KNTC1: variants seen among roughly 807,000 people sequenced by gnomAD.
KNTC1 encodes the protein kinetochore associated 1.
In KNTC1, 253 loss-of-function variants were observed where a neutral mutation model predicts 314.4. The ratio of observed to expected loss-of-function variants is 0.80; its 90% confidence interval spans 0.73 to 0.89. The LOEUF (loss-of-function observed/expected upper bound fraction) is 0.89, where lower values mean the gene tolerates loss of function less well. KNTC1 is among the 40% of genes least tolerant of loss of function. The pLI is 0.00. For missense variants in KNTC1, 2,475 were observed against 2,572.9 expected (o/e 0.96, Z 0.82); for synonymous variants, 901 against 901.4 (o/e 1.00, Z 0.01).
In KNTC1 at chr12:122,557,463, G is replaced by A; in HGVS notation, c.1352G>A (p.Trp451Ter). The A allele has an allele frequency of 6.2e-7, 1 of 1,613,814 alleles. No homozygotes were observed. The highest frequency in any genetic ancestry group is 1.3e-5 in the African/African-American group (1 of 75,008). The stretch of plus-strand genomic sequence containing the variant: ...GTGGATGCCAGTGAACAGACCGAAT[G>A]GCAACAACTTGTAGACGACGCTAAG... ...SSVDASEQTE[W>*]QQLVDDAKEN... The change falls in exon 17 of 64, where the codon TGG becomes TAG. Residue 451 changes from tryptophan to a stop codon, truncating the protein, a stop_gained. Transcript: ENST00000333479. LOFTEE classifies it high-confidence loss of function.
chr12:122,613,671 G>T lies in KNTC1; in HGVS notation c.5787G>T (p.Leu1929Phe). The T allele has an allele frequency of 1.9e-6, 3 of 1,611,968 alleles. No homozygotes were observed. The highest frequency in any genetic ancestry group is 3.3e-4 in the Middle Eastern group (2 of 6,058). The change falls in exon 55 of 64, where the codon TTG becomes TTT. Residue 1929 changes from leucine (L) to phenylalanine (F), a missense_variant. By Grantham distance (22) the Leu-to-Phe change is conservative (BLOSUM62 0). Coordinates refer to ENST00000333479, the MANE Select transcript of KNTC1 (RefSeq NM_014708.6). The stretch of plus-strand genomic sequence containing the variant: ...CTTTTCTGGCATCATTTGAGACTTT[G>T]AATATCCCCATCACATATGAATTAT... ...CITFLASFET[L>F]NIPITYELFC...
chr12:122,543,714 G>A, intron 7 of KNTC1, 80 bp downstream of exon 7: 1 of 794,226 alleles, frequency 1.3e-6, no homozygotes. Context: ...GTATATAATT[G>A]GTCTACTTCT....
intron 52 of KNTC1, among the ~76,000 whole-genome samples, chr12:122,610,570 C>T (rs867339628): frequency 2.6e-5 from 4 of 152,182 alleles, no homozygotes; most frequent in Admixed American, 6.5e-5. Context: ...CAGAGATTGA[C>T]TAGCTATTCT....
chr12:122,550,897 T>G (rs1159808847), intron 13 of KNTC1, among the ~76,000 whole-genome samples: 2 of 152,242 alleles, frequency 1.3e-5, no homozygotes, highest in Non-Finnish European at 2.9e-5. Flanking sequence ...TGTTTCATCA[T>G]GATTAGATTC....
chr12:122,541,424 G>A (rs1221722532), intron 5 of KNTC1, among the ~76,000 whole-genome samples: 3 of 148,936 alleles, frequency 2.0e-5, no homozygotes, highest in Admixed American at 6.7e-5. Flanking sequence ...TCAGCTCACT[G>A]CAACCTCCAC....
At position 122,551,480 on chromosome 12, in the gene KNTC1, G is replaced by T. The variant is rs542873141; in HGVS notation, c.1153G>T (p.Val385Leu). 1.3e-6 allele frequency: 2 copies of T among 1,593,688 alleles called. No homozygotes were observed. The highest frequency in any genetic ancestry group is 3.6e-5 in the Admixed American group (2 of 56,166). The change falls in exon 15 of 64, where the codon GTG (valine) becomes TTG (leucine). Residue 385 changes from valine to leucine, a missense_variant. Transcript: ENST00000333479. ...TAGATTGTCTGAAGACTCAGTCTCT[G>T]TGTTAGTACTCAGATGTCTTACGGA... The part of the protein sequence containing the change: ...DPKLSEDSVS[V>L]LVLRCLTEAL...
At position 122,544,269 on chromosome 12, in the gene KNTC1, G is replaced by C. The variant is rs758376735; in HGVS notation, c.669G>C (p.Gly223=). 1.5e-5 allele frequency: 22 copies of C among 1,476,274 alleles called. No individual in the cohort carries two copies. The South Asian group carries it at 2.8e-4, about 19-fold the overall frequency. 91.4% of individuals were successfully genotyped at this position (1,476,274 alleles called of 1,614,324 possible). A position where few individuals can be genotyped will look rare whatever the true frequency, so the allele number is the denominator to read the frequency against. The change falls in exon 8 of 64, where the codon GGG becomes GGC. Residue 223 remains glycine, a splice_region_variant and synonymous_variant. Coordinates refer to ENST00000333479, the MANE Select transcript of KNTC1 (RefSeq NM_014708.6). Reference sequence around the variant, plus strand: ...CAAGTGAAGTTCCTGTGATAATTGGGGTAATTGTTTTTATAAAGTTTTGTT... The same window carrying C: ...CAAGTGAAGTTCCTGTGATAATTGGCGTAATTGTTTTTATAAAGTTTTGTT... ...DLASEVPVII[G]GTGNCAFSKW... is the part of the protein sequence containing the mutation.
intron 38 of KNTC1, among the ~76,000 whole-genome samples, chr12:122,587,284 C>CA (rs1203106603): frequency 1.3e-5 from 2 of 152,018 alleles, no homozygotes; most frequent in African/African-American, 4.8e-5. Context: ...TCTAAAAAAA[C>CA]AAAAAATCGT....
intron 48 of KNTC1, among the ~76,000 whole-genome samples, chr12:122,604,251 C>T (rs1224110554): frequency 6.8e-6 from 1 of 146,872 alleles, no homozygotes; most frequent in Non-Finnish European, 1.5e-5. Flanking sequence ...TGGCTCACTG[C>T]AACCTCTGCC....
At chr12:122,550,447 T>C (rs1963115929) in intron 13 of KNTC1, among the ~76,000 whole-genome samples, 1 of 152,186 alleles carries the variant, frequency 6.6e-6, no homozygotes, top group African/African-American at 2.4e-5. Context: ...AAAGCTATTT[T>C]TTTTTCTTAT....
chr12:122,554,076 A>AAAAATATATATATAT (rs370146333), intron 16 of KNTC1, among the ~76,000 whole-genome samples: 61 of 109,022 alleles, frequency 5.6e-4, no homozygotes, highest in African/African-American at 2.4e-3. Flanking sequence ...AAAAAAAAAA[A>AAAAATATATATATAT]ATATATATAT....
chr12:122,623,997 G>T (rs1874726213), intron 62 of KNTC1, among the ~76,000 whole-genome samples: 1 of 152,138 alleles, frequency 6.6e-6, no homozygotes. Context: ...GAACCCAGGA[G>T]GTGGAGGTTG....
At chr12:122,534,840 G>A in intron 3 of KNTC1, 56 bp downstream of exon 3, 2 of 1,527,136 alleles carry the variant, frequency 1.3e-6, no homozygotes, top group Non-Finnish European at 9.0e-7. Context: ...TACATCTGCT[G>A]CCAATTTCTG....
At position 122,579,025 on chromosome 12, in the gene KNTC1, C is replaced by CTTTTTTT. The variant is rs74421837; in HGVS notation, c.2842-829_2842-823dup. The stretch of plus-strand genomic sequence containing the variant: ...ACTGTCTAATACCATAGTCTGTATT[C>CTTTTTTT]TTTTTTTTTTTTTTTTTTTTTTTTT... On this transcript the variant is annotated intron_variant, in intron 31 of 63. Transcript: ENST00000333479. 4.0e-5 allele frequency among the ~76,000 whole-genome samples: 3 copies of CTTTTTTT among 75,210 alleles called. 1 individual carries two copies. The highest frequency in any genetic ancestry group is 9.5e-5 in the African/African-American group (2 of 21,150). The allele number at this position is 75,210 out of a possible 152,430, so 49.3% of individuals were successfully genotyped here.
At chr12:122,616,503 C>T (rs1484125618) in intron 57 of KNTC1, among the ~76,000 whole-genome samples, 4 of 152,114 alleles carry the variant, frequency 2.6e-5, no homozygotes, top group East Asian at 1.9e-4. Flanking sequence ...CCTTGTGATC[C>T]GCCTGCCTCG....
intron 5 of KNTC1, 28 bp downstream of exon 5, chr12:122,539,782 T>G: frequency 7.1e-7 from 1 of 1,404,988 alleles, no homozygotes; most frequent in Non-Finnish European, 9.6e-7. Context: ...TTTTTTTGAA[T>G]GACTTTTTTT....
At chr12:122,568,117 T>C (rs748679362) in intron 20 of KNTC1, 144 bp from the exon 21 acceptor site, 12 of 583,046 alleles carry the variant, frequency 2.1e-5, no homozygotes, top group Non-Finnish European at 3.3e-5. Flanking sequence ...TTGTGTGATC[T>C]TTGGAACTGG....
intron 51 of KNTC1, among the ~76,000 whole-genome samples, chr12:122,608,959 T>G (rs963100084): frequency 6.6e-6 from 1 of 152,098 alleles, no homozygotes; most frequent in Admixed American, 6.6e-5. Flanking sequence ...CTTAGGAGGC[T>G]GAGGCAAGAG....
At chr12:122,558,545 C>T (rs1006454134) in intron 18 of KNTC1, among the ~76,000 whole-genome samples, 58 of 151,474 alleles carry the variant, frequency 3.8e-4, no homozygotes, top group African/African-American at 1.4e-3. Context: ...AGCAAGACTC[C>T]GTCTCAAAAG....
Sources: gnomAD v4.1 joint callset for allele counts (sites outside exome capture counted in the v4.1 genomes callset) on GRCh38, gnomAD v4.1.1 for gene constraint, MANE v1.5 for transcripts, NCBI Gene and HGNC (gene_info 2026-07-23, HGNC 2026-07-21) for gene names.